ZNF93: variants seen among roughly 807,000 people sequenced by gnomAD.
The protein encoded by ZNF93 is zinc finger protein 93.
Under a neutral mutation model 45.0 loss-of-function variants are expected in ZNF93, and 29 were observed. That is an observed-to-expected ratio of 0.64 (90% CI 0.48 to 0.88). ZNF93 has a LOEUF of 0.88. ZNF93 is among the 40% of genes least tolerant of loss of function. The pLI is 0.00. For synonymous variants in ZNF93, 223 were observed against 244.6 expected, an observed-to-expected ratio of 0.91 and a Z score of 0.82; for missense variants, 578 against 724.0, an observed-to-expected ratio of 0.80 and a Z score of 2.31.
At chr19:19,930,614 T>C (rs2063370870) in intron 3 of ZNF93, among the ~76,000 whole-genome samples, 1 of 149,278 alleles carries the variant, frequency 6.7e-6, no homozygotes, top group Non-Finnish European at 1.5e-5. Context: ...TCTGGTGGCC[T>C]TGTCTGGGCA....
At chr19:19,924,804 G>C (rs890270231) in intron 3 of ZNF93, among the ~76,000 whole-genome samples, 19 of 151,840 alleles carry the variant, frequency 1.3e-4, no homozygotes, top group Admixed American at 1.2e-3. Context: ...TGGTCAGGCT[G>C]GTCTCCCAAC....
intron 3 of ZNF93, chr19:19,932,055 C>T (rs562255886): frequency 3.0e-6 from 1 of 331,146 alleles, no homozygotes; most frequent in South Asian, 2.2e-5. Context: ...GTGGGTGGAT[C>T]CCGAGGTCAG....
intron 1 of ZNF93, among the ~76,000 whole-genome samples, chr19:19,906,000 A>G (rs2122161440): frequency 6.6e-6 from 1 of 152,334 alleles, no homozygotes; most frequent in Admixed American, 6.5e-5. Flanking sequence ...ATGTGTCTTT[A>G]TAATATAATA....
rs7253941 is a variant in ZNF93 at position 19,901,002 on chromosome 19, T to C, written c.-87T>C. The C allele has an allele frequency of 0.081, 127,690 of 1,580,536 alleles. 13,319 individuals are homozygous for C. Among genetic ancestry groups the C allele is most frequent in the African/African-American group, 0.5 (37,215 of 74,096 alleles). On this transcript the variant is annotated 5_prime_UTR_variant, in exon 1 of 4. Coordinates refer to ENST00000343769, the MANE Select transcript of ZNF93 (RefSeq NM_031218.4). ...CTCTTCACTACTCTGTGTCCTGTGC[T>C]CCTACAGGCCCAGCCTCTGTGGCCC... is the stretch of plus-strand genomic sequence containing the variant.
chr19:19,933,213 G>T lies in ZNF93; in HGVS notation c.258G>T (p.Trp86Cys). 4 of 1,566,176 alleles carry T rather than the reference G, an allele frequency of 2.6e-6. No homozygotes were observed. The highest frequency in any genetic ancestry group is 3.5e-6 in the Non-Finnish European group (4 of 1,156,276). ...GTTCTCATTTTGCCCAAGATCTTTG[G>T]CCAGAGCAGAACATAAAAGATTCTT... ...VICSHFAQDLWPEQNIKDSFQ... is the reference protein window; with the variant it reads ...VICSHFAQDLCPEQNIKDSFQ... The change falls in exon 4 of 4, where the codon TGG becomes TGT. Residue 86 changes from tryptophan to cysteine, a missense_variant. This residue lies in a region of ZNF93 where 446 missense variants were observed against 547.6 expected (regional missense o/e 0.81). Transcript: ENST00000343769.
intron 1 of ZNF93, among the ~76,000 whole-genome samples, chr19:19,901,407 C>G (rs534890856): frequency 1.4e-4 from 21 of 152,292 alleles, no homozygotes; most frequent in African/African-American, 5.1e-4. Flanking sequence ...GGGGAGAATC[C>G]TGACTCGGAG....
chr19:19,919,644 A>G lies in ZNF93; in HGVS notation c.226+2989A>G, dbSNP rs560443462. 3.5e-4 allele frequency among the ~76,000 whole-genome samples: 54 copies of G among 152,286 alleles called. 1 individual carries two copies. Among genetic ancestry groups the G allele is most frequent in the African/African-American group, 1.3e-3 (53 of 41,536 alleles). The stretch of plus-strand genomic sequence containing the variant: ...TTTATTTTGTTGAGCAGTGGTTTGT[A>G]GTTCTCCTTGAAAAGATCCTTCACA... On this transcript the variant is annotated intron_variant, in intron 3 of 3. Transcript: ENST00000343769.
chr19:19,912,905 T>C (rs2063313436), intron 1 of ZNF93, among the ~76,000 whole-genome samples: 1 of 152,242 alleles, frequency 6.6e-6, no homozygotes, highest in South Asian at 2.1e-4. Flanking sequence ...TTAGTACCTG[T>C]GTACATGTTC....
intron 3 of ZNF93, among the ~76,000 whole-genome samples, chr19:19,920,736 G>C (rs1053999243): frequency 2.0e-5 from 3 of 152,176 alleles, no homozygotes; most frequent in Non-Finnish European, 2.9e-5. Flanking sequence ...TTGCGTAGAG[G>C]TGTTTATGGT....
chr19:19,925,237 A>G (rs1339303660), intron 3 of ZNF93, among the ~76,000 whole-genome samples: 2 of 152,198 alleles, frequency 1.3e-5, no homozygotes, highest in African/African-American at 2.4e-5. Context: ...TTCAGCTTTA[A>G]CAGCATTTCA....
intron 1 of ZNF93, among the ~76,000 whole-genome samples, chr19:19,901,381 C>T (rs926246615): frequency 2.6e-5 from 4 of 152,164 alleles, no homozygotes; most frequent in Non-Finnish European, 4.4e-5. Context: ...GTGCAGAGAC[C>T]ACGGGAGAGT....
intron 3 of ZNF93, among the ~76,000 whole-genome samples, chr19:19,928,533 T>A (rs1266290801): frequency 1.3e-5 from 2 of 151,910 alleles, no homozygotes; most frequent in East Asian, 3.9e-4. Flanking sequence ...TAAATTGATT[T>A]GTTGTTGTTT....
intron 3 of ZNF93, among the ~76,000 whole-genome samples, chr19:19,922,204 G>A (rs2063344138): frequency 6.6e-6 from 1 of 152,100 alleles, no homozygotes; most frequent in South Asian, 2.1e-4. Context: ...CACTGATGAA[G>A]CTTAGTTTGG....
chr19:19,927,282 G>C, intron 3 of ZNF93: 1 of 398,178 alleles, frequency 2.5e-6, no homozygotes, highest in Admixed American at 4.4e-5. Flanking sequence ...TGTGGTCCCA[G>C]CTACTTGGGA....
rs755036783 is a variant in ZNF93, at chr19:19,915,339, G to C, written c.63G>C (p.Leu21=). ...IEFSLEEWHC[L]DTAQRNLYRN... ...TCTCTCTGGAGGAGTGGCATTGCCT[G>C]GACACTGCACAGCGGAATCTATATA... The change falls in exon 2 of 4, where the codon CTG becomes CTC. Residue 21 remains leucine, a synonymous_variant. Transcript: ENST00000343769. The C allele has an allele frequency of 3.7e-6, 6 of 1,614,042 alleles. No individual in the cohort carries two copies. The highest frequency in any genetic ancestry group is 3.3e-4 in the Middle Eastern group (2 of 6,062).
intron 3 of ZNF93, chr19:19,926,093 T>G (rs1174015323): frequency 6.6e-6 from 1 of 151,366 alleles, no homozygotes; most frequent in Non-Finnish European, 1.5e-5. Context: ...TTTTTTTTTT[T>G]TTTTTAGATG....
chr19:19,934,278 TA>T lies in ZNF93; in HGVS notation c.1326del (p.Lys442AsnfsTer172). On this transcript the variant is annotated frameshift_variant, in exon 4 of 4. Coordinates refer to ENST00000343769, the MANE Select transcript of ZNF93 (RefSeq NM_031218.4). LOFTEE classifies it high-confidence loss of function. ...KAFVASSTLSKHEIIHTGKKP... is the reference protein window; with the variant it reads ...KAFVASSTLSXHEIIHTGKKP... ...CCTTTGTTGCATCCTCAACCCTTAG[TA>T]AACATGAGATCATTCATACTGGAAA... 1 of 1,612,904 alleles carries T rather than the reference TA, an allele frequency of 6.2e-7. No individual in the cohort carries two copies. The highest frequency in any genetic ancestry group is 8.5e-7 in the Non-Finnish European group (1 of 1,179,950).
At chr19:19,902,523 G>T (rs906437995) in intron 1 of ZNF93, among the ~76,000 whole-genome samples, 1 of 152,010 alleles carries the variant, frequency 6.6e-6, no homozygotes, top group African/African-American at 2.4e-5. Context: ...CTCCTGAAGT[G>T]CTGGGATTAC....
Position 19,901,018 on chromosome 19 carries a change from T to A in ZNF93, c.-71T>A. 1 of 1,598,326 alleles carries A rather than the reference T, an allele frequency of 6.3e-7. No homozygotes were observed. The highest frequency in any genetic ancestry group is 8.6e-7 in the Non-Finnish European group (1 of 1,166,350). On this transcript the variant is annotated 5_prime_UTR_variant, in exon 1 of 4. Coordinates refer to ENST00000343769, the MANE Select transcript of ZNF93 (RefSeq NM_031218.4). ...GTCCTGTGCTCCTACAGGCCCAGCC[T>A]CTGTGGCCCTGTGACCTGCAGGTAT...
Sources: allele counts gnomAD v4.1 joint callset (sites outside exome capture counted in the v4.1 genomes callset), GRCh38; gene constraint gnomAD v4.1.1; regional missense constraint gnomAD v4.1.1; transcripts MANE v1.5; gene names NCBI Gene and HGNC (gene_info 2026-07-23, HGNC 2026-07-21).